The following GLT8D2 variants were observed in gnomAD, a reference collection of about 807,000 sequenced individuals.
The protein encoded by GLT8D2 is glycosyltransferase 8 domain-containing protein 2.
Under a neutral mutation model 44.5 loss-of-function variants are expected in GLT8D2, and 45 were observed. The ratio of observed to expected loss-of-function variants is 1.01; its 90% CI spans 0.80 to 1.30. The LOEUF is 1.30. GLT8D2 is among the 50% of genes most tolerant of loss of function. GLT8D2 has a pLI of 0.00. For missense variants in GLT8D2, 400 were observed against 430.4 expected (o/e 0.93, Z 0.62); for synonymous variants, 156 against 157.2 (o/e 0.99, Z 0.06).
chr12:104,021,315 A>G (rs1877597750), intron 2 of GLT8D2, 42 bp downstream of exon 2: 1 of 152,296 alleles, frequency 6.6e-6, no homozygotes, highest in Non-Finnish European at 1.5e-5. Context: ...CAGCCCAAGA[A>G]AAAATGTTAT....
At chr12:104,054,711 C>T (rs1456151031), upstream of GLT8D2, among the ~76,000 whole-genome samples, 2 of 152,018 alleles carry the variant, frequency 1.3e-5, no homozygotes, top group Non-Finnish European at 2.9e-5. Flanking sequence ...CTGTCTAGTA[C>T]TTCCTTGAAA....
At chr12:104,053,743 G>A (rs1180083663), upstream of GLT8D2, among the ~76,000 whole-genome samples, 1 of 152,032 alleles carries the variant, frequency 6.6e-6, no homozygotes, top group African/African-American at 2.4e-5. Flanking sequence ...AATTAGCTGG[G>A]CACAGTGGCA....
At chr12:104,018,297 C>T (rs1877151725) in intron 3 of GLT8D2, among the ~76,000 whole-genome samples, 1 of 152,066 alleles carries the variant, frequency 6.6e-6, no homozygotes, top group African/African-American at 2.4e-5. Context: ...TATTTTTATG[C>T]ATCAAGAGAC....
intron 1 of GLT8D2, among the ~76,000 whole-genome samples, chr12:104,033,794 G>A (rs139555055): frequency 1.4e-4 from 9 of 64,448 alleles, no homozygotes; most frequent in Non-Finnish European, 1.8e-4. Flanking sequence ...GTGTATATAT[G>A]TGTGTGTGTG....
Position 104,028,762 on chromosome 12 carries a change from C to T in GLT8D2, c.-163-7271G>A, listed in dbSNP as rs148111594. 2.4e-3 allele frequency among the ~76,000 whole-genome samples: 369 copies of T among 152,150 alleles called. 1 individual carries two copies. Among genetic ancestry groups the T allele is most frequent in the African/African-American group, 8.5e-3 (352 of 41,490 alleles). On this transcript the variant is annotated intron_variant, in intron 1 of 10. Coordinates refer to ENST00000360814, the MANE Select transcript of GLT8D2 (RefSeq NM_001384711.1). ...TTCTCAAAGTAATCACACTTAAGAT[C>T]AACAAAATGAAACAAATTGAAATCC... is the stretch of plus-strand genomic sequence containing the variant.
intron 1 of GLT8D2, among the ~76,000 whole-genome samples, chr12:104,034,543 G>A (rs572768945): frequency 3.7e-4 from 57 of 152,382 alleles, no homozygotes; most frequent in Admixed American, 2.9e-3. Flanking sequence ...CACTGCTAGC[G>A]CAGCAGTCTG....
At chr12:104,045,989 T>A (rs1464608874) in intron 1 of GLT8D2, among the ~76,000 whole-genome samples, 1 of 144,446 alleles carries the variant, frequency 6.9e-6, no homozygotes, top group Non-Finnish European at 1.6e-5. Context: ...AAGTGATTGA[T>A]TAATCATGTC....
intron 5 of GLT8D2, among the ~76,000 whole-genome samples, chr12:104,001,423 T>C (rs1874201436): frequency 1.3e-5 from 2 of 152,220 alleles, no homozygotes; most frequent in African/African-American, 4.8e-5. Flanking sequence ...AATCAAATTA[T>C]ATATGCATAC....
At chr12:104,007,422 T>C (rs1218408461) in intron 4 of GLT8D2, among the ~76,000 whole-genome samples, 2 of 152,184 alleles carry the variant, frequency 1.3e-5, no homozygotes, top group Admixed American at 1.3e-4. Context: ...TTTTGTGTAA[T>C]TTAAGACACA....
intron 4 of GLT8D2, among the ~76,000 whole-genome samples, chr12:104,009,062 C>T (rs140544403): frequency 0.028 from 4,259 of 152,340 alleles, 87 homozygotes; most frequent in Middle Eastern, 0.051. Context: ...AGAGCCCCCA[C>T]GCAGAGTCCC....
chr12:104,004,049 T>C (rs983688150), intron 4 of GLT8D2, among the ~76,000 whole-genome samples: 19 of 152,256 alleles, frequency 1.2e-4, no homozygotes, highest in African/African-American at 4.6e-4. Flanking sequence ...GTGCGCTTCA[T>C]CCCTGGGATG....
At chr12:104,026,697 C>T (rs898323915) in intron 1 of GLT8D2, among the ~76,000 whole-genome samples, 1 of 152,170 alleles carries the variant, frequency 6.6e-6, no homozygotes, top group African/African-American at 2.4e-5. Context: ...AATATTGTCA[C>T]ATTTTTATGG....
chr12:104,019,043 C>T (rs1258540235), intron 3 of GLT8D2, among the ~76,000 whole-genome samples: 1 of 148,612 alleles, frequency 6.7e-6, no homozygotes, highest in Non-Finnish European at 1.5e-5. Context: ...TTATTCCGAA[C>T]GAGAAAATGC....
At chr12:104,021,627 A>G (rs1394838799) in intron 1 of GLT8D2, 136 bp from the exon 2 acceptor site, 1 of 151,778 alleles carries the variant, frequency 6.6e-6, no homozygotes, top group Non-Finnish European at 1.5e-5. Context: ...AATCTCTACA[A>G]AAAAATACAA....
At chr12:104,045,935 G>GAAAGAA (rs1555281859) in intron 1 of GLT8D2, among the ~76,000 whole-genome samples, 3 of 111,810 alleles carry the variant, frequency 2.7e-5, no homozygotes, top group Admixed American at 8.7e-5. Flanking sequence ...AAGAAAGAAA[G>GAAAGAA]AAAAAGAAAG....
intron 1 of GLT8D2, among the ~76,000 whole-genome samples, chr12:104,027,463 C>T (rs1878720042): frequency 6.6e-6 from 1 of 152,180 alleles, no homozygotes; most frequent in South Asian, 2.1e-4. Flanking sequence ...TCCTGGACAT[C>T]CTAGTTATGA....
chr12:104,025,067 CAAAAAAA>C (rs34885430), intron 1 of GLT8D2, among the ~76,000 whole-genome samples: 1 of 67,204 alleles, frequency 1.5e-5, no homozygotes, highest in Non-Finnish European at 3.0e-5. Flanking sequence ...GAGACTTTGT[CAAAAAAA>C]AAAAAAAAAA....
intron 1 of GLT8D2, among the ~76,000 whole-genome samples, chr12:104,032,761 CA>C (rs1179825239): frequency 6.6e-6 from 1 of 151,630 alleles, no homozygotes; most frequent in Non-Finnish European, 1.5e-5. Flanking sequence ...GGAGGTCTCT[CA>C]AAAAATTCAA....
At chr12:104,039,137 A>AATTTTCCTT (rs1880265628) in intron 1 of GLT8D2, among the ~76,000 whole-genome samples, 1 of 152,188 alleles carries the variant, frequency 6.6e-6, no homozygotes, top group Non-Finnish European at 1.5e-5. Context: ...CTTATACAAA[A>AATTTTCCTT]ATTAATTCAA....
Sources: gnomAD v4.1 joint callset for allele counts (sites outside exome capture counted in the v4.1 genomes callset) on GRCh38, gnomAD v4.1.1 for gene constraint, MANE v1.5 for transcripts, NCBI Gene and HGNC (gene_info 2026-07-23, HGNC 2026-07-21) for gene names.